CCDC39: variants seen among roughly 807,000 people sequenced by gnomAD.
CCDC39 encodes coiled-coil domain 39 molecular ruler complex subunit, also known as coiled-coil domain-containing protein 39.
In CCDC39, 113 loss-of-function variants were observed where a neutral mutation model predicts 121.0. The ratio of observed to expected loss-of-function variants is 0.93; its 90% CI spans 0.80 to 1.09. The LOEUF (loss-of-function observed/expected upper bound fraction) is 1.09, where lower values mean the gene tolerates loss of function less well. Among genes scored for constraint, CCDC39 ranks in the 50% least tolerant of loss-of-function variants. The pLI is 0.00. For synonymous variants in CCDC39, 349 were observed against 352.2 expected, an observed-to-expected ratio of 0.99 and a Z score of 0.10; for missense variants, 1,063 against 1,074.7, an observed-to-expected ratio of 0.99 and a Z score of 0.15.
intron 10 of CCDC39, among the ~76,000 whole-genome samples, chr3:180,647,740 A>T (rs1266690114): frequency 6.6e-6 from 1 of 152,144 alleles, no homozygotes; most frequent in Non-Finnish European, 1.5e-5. Context: ...ATATTAAGAG[A>T]TTAACACAAA....
intron 4 of CCDC39, among the ~76,000 whole-genome samples, 160 bp downstream of exon 4, chr3:180,660,410 T>C (rs1260570615): frequency 1.3e-5 from 2 of 152,108 alleles, no homozygotes; most frequent in Non-Finnish European, 2.9e-5. Context: ...TCATTTTTTC[T>C]ACAGAGAAGA....
chr3:180,616,034 G>C (rs1403144600), intron 19 of CCDC39, among the ~76,000 whole-genome samples: 1 of 152,306 alleles, frequency 6.6e-6, no homozygotes, highest in South Asian at 2.1e-4. Context: ...ATAGCTCATA[G>C]TCACAGAGCA....
At chr3:180,633,449 G>A (rs1398459928) in intron 13 of CCDC39, among the ~76,000 whole-genome samples, 1 of 152,080 alleles carries the variant, frequency 6.6e-6, no homozygotes, top group East Asian at 1.9e-4. Context: ...TGAAAATAAA[G>A]GACTAATGAA....
chr3:180,615,341 A>C (rs1490491596), intron 19 of CCDC39, among the ~76,000 whole-genome samples: 1 of 152,130 alleles, frequency 6.6e-6, no homozygotes, highest in African/African-American at 2.4e-5. Flanking sequence ...TTGAACTATA[A>C]TCAGTTTTTT....
intron 6 of CCDC39, among the ~76,000 whole-genome samples, chr3:180,656,771 T>A (rs1711590162): frequency 6.6e-6 from 1 of 152,188 alleles, no homozygotes; most frequent in African/African-American, 2.4e-5. Flanking sequence ...TCTGGTCATT[T>A]TCACTGCTTA....
Position 180,659,589 on chromosome 3 carries a change from C to T in CCDC39, c.610-9G>A, listed in dbSNP as rs777699746. 2.4e-5 allele frequency: 39 copies of T among 1,609,728 alleles called. No individual in the cohort carries two copies. The highest frequency in any genetic ancestry group is 1.7e-4 in the Middle Eastern group (1 of 6,050). On this transcript the variant is annotated splice_polypyrimidine_tract_variant and intron_variant, in intron 5 of 19. Coordinates refer to ENST00000476379, the MANE Select transcript of CCDC39 (RefSeq NM_181426.2). ...GCTTTATCCAATTCTAACTGTCAAACAGAGAGCAAAGAACATTTCTGTGAA... is the reference window on the plus strand; with the variant it reads ...GCTTTATCCAATTCTAACTGTCAAATAGAGAGCAAAGAACATTTCTGTGAA...
At chr3:180,657,694 T>C (rs1426703932) in intron 6 of CCDC39, among the ~76,000 whole-genome samples, 4 of 152,170 alleles carry the variant, frequency 2.6e-5, no homozygotes, top group African/African-American at 9.7e-5. Context: ...AGCCAATCAA[T>C]AGCTGATGTT....
intron 16 of CCDC39, 91 bp downstream of exon 16, chr3:180,619,168 T>G (rs563525963): frequency 1.7e-5 from 12 of 704,664 alleles, no homozygotes; most frequent in Non-Finnish European, 3.0e-5. Context: ...AATAACTGTC[T>G]TCTTGGTGGA....
Position 180,651,760 on chromosome 3 carries a change from A to G in CCDC39, c.1035-227T>C, listed in dbSNP as rs147413372. ...AAGTTTAATAACGTAGTAGCTGGCC[A>G]GGCGCGGTGGCTCACGCCTGTAATC... On this transcript the variant is annotated intron_variant, in intron 8 of 19. Transcript: ENST00000476379. 0.039 allele frequency among the ~76,000 whole-genome samples: 5,911 copies of G among 152,254 alleles called. 310 individuals are homozygous for G. The highest frequency in any genetic ancestry group is 0.13 in the African/African-American group (5,263 of 41,526).
intron 14 of CCDC39, among the ~76,000 whole-genome samples, chr3:180,626,756 T>A (rs1576935084): frequency 6.6e-6 from 1 of 151,982 alleles, no homozygotes; most frequent in African/African-American, 2.4e-5. Flanking sequence ...AGTGCAGTCT[T>A]CTCACACCTC....
chr3:180,653,861 A>G (rs922999153), intron 7 of CCDC39, among the ~76,000 whole-genome samples: 2 of 152,192 alleles, frequency 1.3e-5, no homozygotes, highest in Admixed American at 6.5e-5. Flanking sequence ...TATACTTTAA[A>G]TAATCTCTTG....
chr3:180,666,635 C>T (rs1394468604), intron 1 of CCDC39, among the ~76,000 whole-genome samples: 1 of 152,134 alleles, frequency 6.6e-6, no homozygotes, highest in Non-Finnish European at 1.5e-5. Context: ...CCAGAGCAAA[C>T]TTCTGACTTT....
At chr3:180,624,270 T>G (rs746653553) in intron 14 of CCDC39, among the ~76,000 whole-genome samples, 21 of 152,162 alleles carry the variant, frequency 1.4e-4, no homozygotes, top group Non-Finnish European at 2.2e-4. Context: ...ATGGAATGTC[T>G]TTTTCCACCC....
chr3:180,672,570 G>A (rs1712079663), intron 1 of CCDC39, among the ~76,000 whole-genome samples: 1 of 152,218 alleles, frequency 6.6e-6, no homozygotes, highest in Non-Finnish European at 1.5e-5. Context: ...CCTCATCCTG[G>A]ATGATGACAG....
rs1210301123 is a variant in CCDC39 at position 180,615,070 on chromosome 3, T to C, written c.2677A>G (p.Arg893Gly). The change falls in exon 20 of 20, where the codon AGG becomes GGG. Residue 893 changes from arginine to glycine, a missense_variant. Transcript: ENST00000476379. Reference sequence around the variant, plus strand: ...TGAGAAGTAGATGTACTTGTACTCCTAGATGACCTAGAAGAAAAACCAGAA... The same window carrying C: ...TGAGAAGTAGATGTACTTGTACTCCCAGATGACCTAGAAGAAAAACCAGAA... ...SHTSLSARSS[R>G]STSTSTSQSS... The C allele has an allele frequency of 2.0e-6, 3 of 1,530,744 alleles. No homozygotes were observed. The highest frequency in any genetic ancestry group is 2.6e-6 in the Non-Finnish European group (3 of 1,141,924). 94.8% of individuals were successfully genotyped at this position (1,530,744 alleles called of 1,614,324 possible). A position where few individuals can be genotyped will look rare whatever the true frequency, so the allele number is the denominator to read the frequency against.
chr3:180,650,626 G>C (rs1425402116), intron 9 of CCDC39, among the ~76,000 whole-genome samples: 1 of 152,106 alleles, frequency 6.6e-6, no homozygotes. Context: ...GGAAGCGGAG[G>C]AGGGTAGATC....
intron 7 of CCDC39, among the ~76,000 whole-genome samples, chr3:180,654,221 CAAAAA>C (rs76424115): frequency 1.6e-4 from 7 of 44,936 alleles, no homozygotes; most frequent in African/African-American, 5.6e-4. Flanking sequence ...TAGCCACACG[CAAAAA>C]AAAAAAAAAA....
chr3:180,649,295 G>A lies in CCDC39; in HGVS notation c.1168-936C>T, dbSNP rs574614409. 5.3e-5 allele frequency among the ~76,000 whole-genome samples: 8 copies of A among 152,176 alleles called. No individual in the cohort carries two copies. The East Asian group carries it at 5.8e-4, about 11-fold the overall frequency. ...TCAGGAAGCAAACCTGTCTTGACCC[G>A]GAAGCCTCACAACCAATGTGTTCTA... On this transcript the variant is annotated intron_variant, in intron 9 of 19. Coordinates refer to ENST00000476379, the MANE Select transcript of CCDC39 (RefSeq NM_181426.2).
At position 180,679,446 on chromosome 3, in the gene CCDC39, C is replaced by A; in HGVS notation, c.-66G>T. 6.8e-7 allele frequency: 1 copy of A among 1,477,110 alleles called. No homozygotes were observed. The highest frequency in any genetic ancestry group is 9.5e-7 in the Non-Finnish European group (1 of 1,056,106). 91.5% of individuals were successfully genotyped at this position (1,477,110 alleles called of 1,614,324 possible). The stretch of plus-strand genomic sequence containing the variant: ...CTTCTTGTACAGCGGGTGAGCAGCA[C>A]CCGCGTCAAGCCCAGGCACCTGCAC... On this transcript the variant is annotated 5_prime_UTR_variant, in exon 1 of 20. Coordinates refer to ENST00000476379, the MANE Select transcript of CCDC39 (RefSeq NM_181426.2). The surrounding 1 kb of genome is among the most constrained non-coding windows in gnomAD (Gnocchi z 4.0).
Sources: allele counts gnomAD v4.1 joint callset (sites outside exome capture counted in the v4.1 genomes callset), GRCh38; gene constraint gnomAD v4.1.1; non-coding constraint Gnocchi (gnomAD v3.1); transcripts MANE v1.5; gene names NCBI Gene and HGNC (gene_info 2026-07-23, HGNC 2026-07-21).